The following MBOAT2 variants were observed in gnomAD, a reference collection of about 807,000 sequenced individuals.
MBOAT2 encodes membrane bound glycerophospholipid O-acyltransferase 2, also known as membrane-bound glycerophospholipid O-acyltransferase 2.
In MBOAT2, 28 loss-of-function variants were observed where a neutral mutation model predicts 63.4. The observed-to-expected ratio is 0.44, with a 90% CI of 0.33 to 0.61. The LOEUF is 0.61. Among genes scored for constraint, MBOAT2 ranks in the 20% least tolerant of loss-of-function variants. MBOAT2 has a pLI of 0.03. For synonymous variants in MBOAT2, 211 were observed against 215.6 expected, an observed-to-expected ratio of 0.98 and a Z score of 0.19; for missense variants, 470 against 605.8, an observed-to-expected ratio of 0.78 and a Z score of 2.35.
In MBOAT2 at chr2:8,867,436, C is replaced by T. The variant is rs1021639457; in HGVS notation, c.987+1010G>A. On this transcript the variant is annotated intron_variant, in intron 9 of 12. Transcript: ENST00000305997. ...CTCTCCTCCAGGGCCTGAACTGCCA[C>T]GTGCTGATAGTTCCCAGATTTCACT... 5.3e-5 allele frequency among the ~76,000 whole-genome samples: 8 copies of T among 152,202 alleles called. No individual in the cohort carries two copies. In the East Asian group the frequency reaches 5.8e-4, roughly 11 times the overall value.
At chr2:8,907,128 A>G (rs1378614173) in intron 4 of MBOAT2, among the ~76,000 whole-genome samples, 3 of 152,250 alleles carry the variant, frequency 2.0e-5, no homozygotes, top group Non-Finnish European at 2.9e-5. Context: ...TCTATTTTCT[A>G]CTATTAATAA....
At position 8,973,375 on chromosome 2, in the gene MBOAT2, G is replaced by C. The variant is rs189413094; in HGVS notation, c.76-14733C>G. On this transcript the variant is annotated intron_variant, in intron 1 of 12. Transcript: ENST00000305997. ...CACACACCGGGGCCTGTCGTGGGGT[G>C]GGGGGAGGGGGGAGGGATAGCATTA... Among the ~76,000 whole-genome samples the C allele has an allele frequency of 6.8e-5, 9 of 131,768 alleles. No homozygotes were observed. The Admixed American group carries it at 6.9e-4, about 10-fold the overall frequency. 86.4% of individuals were successfully genotyped at this position (131,768 alleles called of 152,430 possible).
At chr2:8,872,249 C>A (rs1662378997) in intron 8 of MBOAT2, among the ~76,000 whole-genome samples, 1 of 152,174 alleles carries the variant, frequency 6.6e-6, no homozygotes, top group Non-Finnish European at 1.5e-5. Context: ...CACATTCCAT[C>A]TTTTTGTTTT....
intron 9 of MBOAT2, among the ~76,000 whole-genome samples, chr2:8,865,877 A>G (rs1383743298): frequency 6.6e-6 from 1 of 152,178 alleles, no homozygotes; most frequent in Non-Finnish European, 1.5e-5. Flanking sequence ...TCTCTGCTAA[A>G]AATACAAACA....
At chr2:8,972,567 C>T (rs1471748118) in intron 1 of MBOAT2, among the ~76,000 whole-genome samples, 1 of 152,198 alleles carries the variant, frequency 6.6e-6, no homozygotes, top group Non-Finnish European at 1.5e-5. Flanking sequence ...AAACTACCAT[C>T]AGAGTGAACA....
Position 8,911,588 on chromosome 2 carries a change from G to C in MBOAT2, c.300-2872C>G, listed in dbSNP as rs189870833. Among the ~76,000 whole-genome samples the C allele has an allele frequency of 5.9e-4, 90 of 152,256 alleles. 1 individual carries two copies. The highest frequency in any genetic ancestry group is 1.5e-3 in the African/African-American group (63 of 41,552). On this transcript the variant is annotated intron_variant, in intron 3 of 12. Transcript: ENST00000305997. ...CATGGGGGCAGATCCCTCATGAATA[G>C]ATGAATGCCTTCCCTGGGGGATGAG...
At chr2:8,885,421 C>T (rs1051871616) in intron 5 of MBOAT2, among the ~76,000 whole-genome samples, 1 of 152,180 alleles carries the variant, frequency 6.6e-6, no homozygotes, top group African/African-American at 2.4e-5. Context: ...TATCTCATTA[C>T]ATGTATGCAA....
chr2:8,870,893 A>G (rs967950055), intron 8 of MBOAT2, among the ~76,000 whole-genome samples: 1 of 152,228 alleles, frequency 6.6e-6, no homozygotes, highest in Non-Finnish European at 1.5e-5. Context: ...GTAAAAATGC[A>G]CAAGATTCAT....
At chr2:8,861,345 G>A (rs1353489469) in intron 11 of MBOAT2, among the ~76,000 whole-genome samples, 1 of 152,190 alleles carries the variant, frequency 6.6e-6, no homozygotes, top group Non-Finnish European at 1.5e-5. Context: ...AGGTAAATGG[G>A]GGAAGGGAGG....
rs773593395 is a variant in MBOAT2, at chr2:8,864,172, T to C, written c.1050A>G (p.Lys350=). ...NWNIQTALWL[K]RVCYERTSFS... ...AGATCGTTTTTGAAGGAACGCACCT[T>C]TTGAGCCAAAGAGCTGTCTGAATAT... Residue 350 remains lysine (K), a splice_region_variant and synonymous_variant, in exon 10 of 13, where the codon AAA becomes AAG. Coordinates refer to ENST00000305997, the MANE Select transcript of MBOAT2 (RefSeq NM_138799.4). The C allele has an allele frequency of 2.5e-6, 4 of 1,579,526 alleles. No individual in the cohort carries two copies. The highest frequency in any genetic ancestry group is 4.6e-5 in the East Asian group (2 of 43,086).
chr2:8,984,431 G>A (rs1003657816), intron 1 of MBOAT2, among the ~76,000 whole-genome samples: 7 of 152,246 alleles, frequency 4.6e-5, no homozygotes, highest in Non-Finnish European at 8.8e-5. Flanking sequence ...TTAACACTAC[G>A]AAGAAAGCAA....
At chr2:8,968,533 G>C (rs986792059) in intron 1 of MBOAT2, among the ~76,000 whole-genome samples, 5 of 152,234 alleles carry the variant, frequency 3.3e-5, no homozygotes, top group Non-Finnish European at 5.9e-5. Context: ...GATGGAGAAT[G>C]ACTTTGACGA....
chr2:8,926,690 G>A (rs893635202), intron 3 of MBOAT2, among the ~76,000 whole-genome samples: 3 of 152,236 alleles, frequency 2.0e-5, no homozygotes, highest in Non-Finnish European at 4.4e-5. Flanking sequence ...AACAGAGTCT[G>A]AAGCAGAAAA....
intron 1 of MBOAT2, among the ~76,000 whole-genome samples, chr2:8,960,654 A>T (rs186688555): frequency 2.0e-5 from 3 of 152,162 alleles, no homozygotes; most frequent in African/African-American, 7.2e-5. Context: ...CCTTCCAAGA[A>T]AGAGTATGTC....
intron 9 of MBOAT2, among the ~76,000 whole-genome samples, chr2:8,864,606 C>T (rs564935639): frequency 4.1e-4 from 62 of 152,160 alleles, no homozygotes; most frequent in African/African-American, 1.4e-3. Context: ...CGCCAAGCTC[C>T]GCCATGGTCC....
intron 3 of MBOAT2, among the ~76,000 whole-genome samples, chr2:8,922,591 G>A (rs942901881): frequency 6.6e-6 from 1 of 152,212 alleles, no homozygotes; most frequent in Non-Finnish European, 1.5e-5. Context: ...CCTCACTCCA[G>A]AGGTTGTCCC....
chr2:8,969,748 C>T (rs1173244924), intron 1 of MBOAT2, among the ~76,000 whole-genome samples: 1 of 152,090 alleles, frequency 6.6e-6, no homozygotes, highest in South Asian at 2.1e-4. Flanking sequence ...GACTTTAAAC[C>T]AACAAAGATC....
chr2:8,879,158 G>A (rs1662924464), intron 6 of MBOAT2, among the ~76,000 whole-genome samples: 1 of 151,760 alleles, frequency 6.6e-6, no homozygotes, highest in Non-Finnish European at 1.5e-5. Flanking sequence ...AATGTTTCTG[G>A]CAGATTTTCT....
At chr2:9,002,310 CCTT>C (rs1398503309) in intron 1 of MBOAT2, among the ~76,000 whole-genome samples, 1 of 152,198 alleles carries the variant, frequency 6.6e-6, no homozygotes, top group Non-Finnish European at 1.5e-5. Context: ...GTTTAACACT[CCTT>C]CGACATACTT....
Sources: allele counts gnomAD v4.1 joint callset (sites outside exome capture counted in the v4.1 genomes callset), GRCh38; gene constraint gnomAD v4.1.1; transcripts MANE v1.5; gene names NCBI Gene and HGNC (gene_info 2026-07-23, HGNC 2026-07-21).